Variants in RGS9 observed in about 807,000 individuals in gnomAD.
The protein encoded by RGS9 is regulator of G-protein signalling 9.
A neutral mutation model predicts 102.0 loss-of-function variants in RGS9; 78 were observed. That is an observed-to-expected ratio of 0.76 (90% CI 0.64 to 0.92). The LOEUF (loss-of-function observed/expected upper bound fraction) is 0.92, where lower values mean the gene tolerates loss of function less well. RGS9 is among the 40% of genes least tolerant of loss of function. The probability of loss-of-function intolerance (pLI) is 0.00; values close to 1 mark genes in which losing one functional copy is unlikely to be tolerated. For missense variants in RGS9, 833 were observed against 866.1 expected (o/e 0.96, Z 0.48); for synonymous variants, 353 against 318.6 (o/e 1.11, Z -1.15).
intron 3 of RGS9, among the ~76,000 whole-genome samples, chr17:65,159,258 G>A (rs956532015): frequency 4.6e-5 from 7 of 151,192 alleles, no homozygotes; most frequent in Non-Finnish European, 8.8e-5. Flanking sequence ...CTCTCTTTTC[G>A]GACTCAGCCC....
chr17:65,216,323 G>A (rs1162548726), intron 17 of RGS9, among the ~76,000 whole-genome samples: 4 of 152,162 alleles, frequency 2.6e-5, no homozygotes, highest in Non-Finnish European at 5.9e-5. Flanking sequence ...CAAGCAAACA[G>A]AGAGACAGAT....
intron 1 of RGS9, among the ~76,000 whole-genome samples, chr17:65,142,763 A>T (rs1052447365): frequency 2.0e-5 from 3 of 151,622 alleles, no homozygotes; most frequent in Admixed American, 1.3e-4. Flanking sequence ...TTGTGTTTTT[A>T]GTAGAGACGG....
intron 8 of RGS9, among the ~76,000 whole-genome samples, chr17:65,170,413 A>G (rs1241105101): frequency 1.3e-5 from 2 of 152,048 alleles, no homozygotes; most frequent in East Asian, 1.9e-4. Flanking sequence ...TATTATTCTC[A>G]TTGTACTGAT....
At chr17:65,150,491 G>A (rs564794323) in intron 1 of RGS9, among the ~76,000 whole-genome samples, 21 of 152,026 alleles carry the variant, frequency 1.4e-4, no homozygotes, top group East Asian at 5.8e-4. Flanking sequence ...GCGTGGTGGC[G>A]GGCACCTGTA....
In RGS9 at chr17:65,204,320, T is replaced by G. The variant is rs1912965884; in HGVS notation, c.1203+19T>G. Reference sequence around the variant, plus strand: ...GAAGAAGGTAGGTGGGTCCGTGCTGTGGATACGGGGTCCAGATAGGCTTTC... The same window carrying G: ...GAAGAAGGTAGGTGGGTCCGTGCTGGGGATACGGGGTCCAGATAGGCTTTC... On this transcript the variant is annotated intron_variant, in intron 15 of 18. Transcript: ENST00000262406. The G allele has an allele frequency of 3.1e-6, 5 of 1,613,532 alleles. No individual in the cohort carries two copies. Among genetic ancestry groups the G allele is most frequent in the Non-Finnish European group, 4.2e-6 (5 of 1,179,808 alleles).
chr17:65,168,622 G>T (rs1262978751), intron 8 of RGS9, among the ~76,000 whole-genome samples: 1 of 149,668 alleles, frequency 6.7e-6, no homozygotes, highest in Admixed American at 6.8e-5. Context: ...TAGAACGTAG[G>T]CCCCAATGGA....
At chr17:65,161,213 C>T (rs1016135407) in intron 6 of RGS9, among the ~76,000 whole-genome samples, 5 of 152,208 alleles carry the variant, frequency 3.3e-5, no homozygotes, top group African/African-American at 1.2e-4. Context: ...AATATGTACT[C>T]TAATGGACAA....
At chr17:65,223,843 C>T (rs1905483086) in intron 17 of RGS9, among the ~76,000 whole-genome samples, 1 of 151,738 alleles carries the variant, frequency 6.6e-6, no homozygotes, top group African/African-American at 2.4e-5. Context: ...CTATGCCTCC[C>T]GGGTTCAAGT....
intron 17 of RGS9, among the ~76,000 whole-genome samples, chr17:65,212,924 CA>C (rs1346621565): frequency 6.6e-6 from 1 of 152,132 alleles, no homozygotes; most frequent in Non-Finnish European, 1.5e-5. Flanking sequence ...TCCTGACACC[CA>C]GGGGGTTCTG....
At chr17:65,219,975 C>T (rs1311732510) in intron 17 of RGS9, among the ~76,000 whole-genome samples, 1 of 151,338 alleles carries the variant, frequency 6.6e-6, no homozygotes, top group African/African-American at 2.4e-5. Flanking sequence ...ACCATTAATA[C>T]ACAATCATCA....
At chr17:65,210,678 G>A in intron 17 of RGS9, 73 bp downstream of exon 17, 2 of 1,600,240 alleles carry the variant, frequency 1.2e-6, no homozygotes, top group Admixed American at 1.7e-5. Context: ...TGATTCCTGG[G>A]GGTGGGGTCA....
intron 9 of RGS9, among the ~76,000 whole-genome samples, chr17:65,180,949 C>G (rs1211800112): frequency 1.3e-5 from 2 of 152,182 alleles, no homozygotes; most frequent in Admixed American, 1.3e-4. Context: ...TGATCTCTAG[C>G]TCCATCCATG....
intron 8 of RGS9, among the ~76,000 whole-genome samples, chr17:65,176,571 A>G (rs1186688404): frequency 2.0e-5 from 3 of 152,208 alleles, no homozygotes; most frequent in Non-Finnish European, 4.4e-5. Flanking sequence ...GCCAAGCCCA[A>G]GATGAAACCA....
chr17:65,195,412 G>A (rs8072603), intron 12 of RGS9, among the ~76,000 whole-genome samples: 36,509 of 151,958 alleles, frequency 0.24, 6,074 homozygotes, highest in African/African-American at 0.45. Context: ...GGGAAGCCCT[G>A]TTCTTTTTTG....
At chr17:65,227,177 C>T (rs1397818159) in intron 18 of RGS9, 98 bp from the exon 19 acceptor site, 1 of 1,552,786 alleles carries the variant, frequency 6.4e-7, no homozygotes, top group East Asian at 2.2e-5. Context: ...GCAAATGCAC[C>T]TGGTATGTTC....
chr17:65,215,598 G>C (rs1913495788), intron 17 of RGS9, among the ~76,000 whole-genome samples: 1 of 148,502 alleles, frequency 6.7e-6, no homozygotes, highest in African/African-American at 2.5e-5. Context: ...GCACCATCCT[G>C]GCTCAATACA....
At chr17:65,174,624 C>G (rs536283403) in intron 8 of RGS9, among the ~76,000 whole-genome samples, 1 of 151,426 alleles carries the variant, frequency 6.6e-6, no homozygotes, top group Admixed American at 6.6e-5. Context: ...TGCATGTAAA[C>G]ATATATGTGT....
At chr17:65,146,252 C>T (rs779796642) in intron 1 of RGS9, among the ~76,000 whole-genome samples, 6 of 152,214 alleles carry the variant, frequency 3.9e-5, no homozygotes, top group Non-Finnish European at 5.9e-5. Flanking sequence ...GGCAGCCTTT[C>T]ATCCGGCAGC....
chr17:65,202,255 GT>G (rs1567886680), intron 14 of RGS9, among the ~76,000 whole-genome samples, 175 bp downstream of exon 14: 2 of 152,134 alleles, frequency 1.3e-5, no homozygotes, highest in African/African-American at 2.4e-5. Flanking sequence ...GCTTTGGGAG[GT>G]TTGGGGGTTC....
Sources: gnomAD v4.1 joint callset for allele counts (sites outside exome capture counted in the v4.1 genomes callset) on GRCh38, gnomAD v4.1.1 for gene constraint, MANE v1.5 for transcripts, NCBI Gene and HGNC (gene_info 2026-07-23, HGNC 2026-07-21) for gene names.